Variants in CSMD3 observed in about 807,000 individuals in gnomAD.
The protein encoded by CSMD3 is CUB and Sushi multiple domains 3.
In CSMD3, 177 loss-of-function variants were observed where a neutral mutation model predicts 435.2. That is an observed-to-expected ratio of 0.41 (90% CI 0.36 to 0.46). CSMD3 has a LOEUF of 0.46. CSMD3 is among the 20% of genes least tolerant of loss of function. The pLI is 0.34. For missense variants in CSMD3, 4,265 were observed against 4,504.6 expected (o/e 0.95, Z 1.52); for synonymous variants, 1,656 against 1,520.5 (o/e 1.09, Z -2.07).
chr8:113,371,265 A>T (rs993573357), intron 1 of CSMD3, among the ~76,000 whole-genome samples: 7 of 152,198 alleles, frequency 4.6e-5, no homozygotes, highest in Admixed American at 2.0e-4. Flanking sequence ...AAATATTTTT[A>T]AAAAAACATT....
intron 27 of CSMD3, among the ~76,000 whole-genome samples, chr8:112,540,261 T>G (rs1351112354): frequency 1.3e-5 from 2 of 151,930 alleles, no homozygotes; most frequent in African/African-American, 4.8e-5. Context: ...TTAAAATGGC[T>G]ATCAGAAAGA....
chr8:112,731,691 T>C (rs957962407), intron 13 of CSMD3, among the ~76,000 whole-genome samples: 1 of 152,240 alleles, frequency 6.6e-6, no homozygotes, highest in East Asian at 1.9e-4. Context: ...GAGCTTGATA[T>C]GTGATTTTCC....
At chr8:112,902,614 C>T (rs951302530) in intron 10 of CSMD3, among the ~76,000 whole-genome samples, 11 of 151,208 alleles carry the variant, frequency 7.3e-5, no homozygotes, top group African/African-American at 2.7e-4. Context: ...CTAACATGAA[C>T]CTGGTCACTA....
chr8:112,259,282 C>T (rs933061831), intron 61 of CSMD3, among the ~76,000 whole-genome samples: 15 of 152,136 alleles, frequency 9.9e-5, no homozygotes, highest in Non-Finnish European at 1.9e-4. Flanking sequence ...GAGTTATTGT[C>T]CTTTGCAGGG....
At chr8:113,333,073 A>C in intron 1 of CSMD3, among the ~76,000 whole-genome samples, 1 of 151,838 alleles carries the variant, frequency 6.6e-6, no homozygotes, top group East Asian at 1.9e-4. Flanking sequence ...AGATAAGCAT[A>C]AATTCACATT....
intron 31 of CSMD3, among the ~76,000 whole-genome samples, chr8:112,484,493 C>CCACA (rs35198612): frequency 7.8e-4 from 115 of 147,278 alleles, no homozygotes; most frequent in African/African-American, 2.1e-3. Context: ...TTCAACACAC[C>CCACA]CACACACACA....
At chr8:112,842,118 T>C (rs1379574226) in intron 11 of CSMD3, among the ~76,000 whole-genome samples, 1 of 151,734 alleles carries the variant, frequency 6.6e-6, no homozygotes, top group Non-Finnish European at 1.5e-5. Context: ...CACAACCCAG[T>C]TGCAGCTATT....
intron 1 of CSMD3, among the ~76,000 whole-genome samples, chr8:113,423,050 A>T (rs2094616894): frequency 6.6e-6 from 1 of 152,026 alleles, no homozygotes; most frequent in Non-Finnish European, 1.5e-5. Flanking sequence ...GCCTGAATAT[A>T]ATTGTTTAAT....
chr8:113,007,363 G>T (rs890930640), intron 6 of CSMD3, among the ~76,000 whole-genome samples: 1 of 151,896 alleles, frequency 6.6e-6, no homozygotes, highest in African/African-American at 2.4e-5. Context: ...TTAACATGAG[G>T]TCTCTAGAGG....
chr8:113,210,688 GC>G (rs2092824176), intron 3 of CSMD3, among the ~76,000 whole-genome samples: 1 of 151,922 alleles, frequency 6.6e-6, no homozygotes, highest in Admixed American at 6.6e-5. Flanking sequence ...GACCAGCCTG[GC>G]CAACATGGTG....
At chr8:112,969,489 C>A (rs568767724) in intron 7 of CSMD3, among the ~76,000 whole-genome samples, 1 of 151,928 alleles carries the variant, frequency 6.6e-6, no homozygotes, top group Admixed American at 6.6e-5. Flanking sequence ...CTTTATTAAC[C>A]AAAGTAATAT....
intron 3 of CSMD3, among the ~76,000 whole-genome samples, chr8:113,261,829 T>C (rs1256110116): frequency 6.6e-6 from 1 of 152,072 alleles, no homozygotes; most frequent in Non-Finnish European, 1.5e-5. Context: ...ATTTAAACTA[T>C]ATGGTAGAAC....
rs1344704864 is a variant in CSMD3 at position 112,263,669 on chromosome 8, T to A, written c.9832A>T (p.Thr3278Ser). The A allele has an allele frequency of 6.2e-7, 1 of 1,613,660 alleles. No homozygotes were observed. Among genetic ancestry groups the A allele is most frequent in the Non-Finnish European group, 8.5e-7 (1 of 1,179,720 alleles). The change falls in exon 61 of 71, where the codon ACC becomes TCC. Residue 3278 changes from threonine to serine, a missense_variant. This residue lies in a region of CSMD3 where 3,255 missense variants were observed against 3,380.2 expected (regional missense o/e 0.96). Transcript: ENST00000297405. The part of the protein sequence containing the change: ...PAVLTCVGNG[T>S]WSGEVPQCLP... The stretch of plus-strand genomic sequence containing the variant: ...CACTGCGGTACTTCACCACTCCAGG[T>A]ACCATTCCCTACACAGGTCAAAACA...
intron 27 of CSMD3, 24 bp from the exon 28 acceptor site, chr8:112,517,249 T>A (rs2130990832): frequency 1.2e-6 from 2 of 1,600,448 alleles, no homozygotes; most frequent in Non-Finnish European, 1.7e-6. Flanking sequence ...GAGACAAAAT[T>A]TTAGTTTTGA....
chr8:112,824,350 G>C (rs1025620766), intron 12 of CSMD3, among the ~76,000 whole-genome samples: 1 of 152,094 alleles, frequency 6.6e-6, no homozygotes, highest in Non-Finnish European at 1.5e-5. Context: ...TCATCATGAC[G>C]CTATCTGGTT....
At chr8:112,270,462 A>C (rs1817421833) in intron 59 of CSMD3, among the ~76,000 whole-genome samples, 1 of 151,348 alleles carries the variant, frequency 6.6e-6, no homozygotes, top group African/African-American at 2.4e-5. Context: ...GAAATTCTCA[A>C]AGGTAAAATT....
At chr8:112,246,932 T>C in intron 64 of CSMD3, 88 bp downstream of exon 64, 1 of 874,254 alleles carries the variant, frequency 1.1e-6, no homozygotes, top group South Asian at 1.4e-5. Flanking sequence ...GATACACATA[T>C]AGATGTAAAT....
chr8:112,951,247 A>C (rs991553132), intron 8 of CSMD3, among the ~76,000 whole-genome samples: 1 of 151,846 alleles, frequency 6.6e-6, no homozygotes, highest in Non-Finnish European at 1.5e-5. Context: ...CCATTGATGC[A>C]ATTGGACAGA....
intron 53 of CSMD3, among the ~76,000 whole-genome samples, chr8:112,297,676 C>T (rs1453469785): frequency 6.6e-6 from 1 of 152,046 alleles, no homozygotes; most frequent in African/African-American, 2.4e-5. Context: ...TGAAACTGTT[C>T]TATACTCAGG....
Sources: allele counts gnomAD v4.1 joint callset (sites outside exome capture counted in the v4.1 genomes callset), GRCh38; gene constraint gnomAD v4.1.1; regional missense constraint gnomAD v4.1.1; transcripts MANE v1.5; gene names NCBI Gene and HGNC (gene_info 2026-07-23, HGNC 2026-07-21).